CD44: variants seen among roughly 807,000 people sequenced by gnomAD.
The protein encoded by CD44 is CD44 antigen.
In CD44, 49 loss-of-function variants were observed where a neutral mutation model predicts 88.8. The observed-to-expected ratio is 0.55, with a 90% CI of 0.44 to 0.70. The LOEUF (loss-of-function observed/expected upper bound fraction) is 0.70, where lower values mean the gene tolerates loss of function less well. Among genes scored for constraint, CD44 ranks in the 30% least tolerant of loss-of-function variants. The pLI, the probability that CD44 is intolerant of heterozygous loss-of-function variation, is 0.00. For missense variants in CD44, 883 were observed against 913.8 expected, an observed-to-expected ratio of 0.97 and a Z score of 0.43; for synonymous variants, 325 against 312.3, an observed-to-expected ratio of 1.04 and a Z score of -0.43.
chr11:35,179,833 T>A (rs1305154971), intron 2 of CD44, among the ~76,000 whole-genome samples: 1 of 152,092 alleles, frequency 6.6e-6, no homozygotes, highest in Non-Finnish European at 1.5e-5. Context: ...TGCACTGAAA[T>A]AAAGAAGCAC....
chr11:35,181,999 TTA>T (rs537704686), intron 3 of CD44, among the ~76,000 whole-genome samples: 1,777 of 109,596 alleles, frequency 0.016, 62 homozygotes, highest in African/African-American at 0.061. Flanking sequence ...AAATTTATAT[TTA>T]TATATATGTA....
chr11:35,139,282 C>A lies in CD44; in HGVS notation c.-22C>A, dbSNP rs1057483054. The A allele has an allele frequency of 2.6e-6, 4 of 1,552,756 alleles. No individual in the cohort carries two copies. In the African/African-American group the frequency reaches 4.1e-5, roughly 16 times the overall value. On this transcript the variant is annotated 5_prime_UTR_variant, in exon 1 of 18. Transcript: ENST00000428726. ...GATCCTCCAGCTCCTTTCGCCCGCG[C>A]CCTCCGTTCGCTCCGGACACCATGG...
chr11:35,153,412 T>G lies in CD44; in HGVS notation c.67+14042T>G, dbSNP rs577083115. ...TTGCACACCCATATTTGGTATTTTT[T>G]TATCCTTTTTGACTTAATGAGCATT... On this transcript the variant is annotated intron_variant, in intron 1 of 17. Transcript: ENST00000428726. Among the ~76,000 whole-genome samples the G allele has an allele frequency of 5.8e-4, 89 of 152,314 alleles. 2 individuals are homozygous for G. The highest frequency in any genetic ancestry group is 6.8e-3 in the Middle Eastern group (2 of 294).
intron 1 of CD44, among the ~76,000 whole-genome samples, chr11:35,148,653 G>A (rs965577970): frequency 6.6e-6 from 1 of 152,140 alleles, no homozygotes; most frequent in African/African-American, 2.4e-5. Context: ...TCTTTTGCCA[G>A]TGAGCATAAA....
chr11:35,158,359 T>C (rs1157852982), intron 1 of CD44, among the ~76,000 whole-genome samples: 1 of 152,192 alleles, frequency 6.6e-6, no homozygotes, highest in Non-Finnish European at 1.5e-5. Context: ...GAAAGCCGTA[T>C]GAATTGCAGA....
chr11:35,160,296 C>T (rs938658970), intron 1 of CD44, among the ~76,000 whole-genome samples: 1 of 152,244 alleles, frequency 6.6e-6, no homozygotes, highest in Admixed American at 6.5e-5. Context: ...ATTGAAACCA[C>T]TCTTTCCCTC....
intron 11 of CD44, among the ~76,000 whole-genome samples, chr11:35,206,540 A>C (rs901811800): frequency 6.6e-6 from 1 of 152,170 alleles, no homozygotes; most frequent in Non-Finnish European, 1.5e-5. Context: ...GCCAACAATA[A>C]ACGCTAAAGA....
chr11:35,168,691 C>T (rs1021749868), intron 1 of CD44, among the ~76,000 whole-genome samples: 1 of 152,226 alleles, frequency 6.6e-6, no homozygotes, highest in Non-Finnish European at 1.5e-5. Context: ...CTGGGTGGCT[C>T]AAGTTAGAAA....
chr11:35,215,523 A>C (rs1326593584), intron 15 of CD44, among the ~76,000 whole-genome samples: 1 of 152,204 alleles, frequency 6.6e-6, no homozygotes, highest in Non-Finnish European at 1.5e-5. Context: ...TGCCAGCAGC[A>C]TCTTTCTAAA....
intron 1 of CD44, among the ~76,000 whole-genome samples, chr11:35,164,371 T>C (rs554153520): frequency 6.6e-6 from 1 of 152,356 alleles, no homozygotes; most frequent in South Asian, 2.1e-4. Flanking sequence ...CTTCTCAAGG[T>C]ATAGCATCTA....
Position 35,211,351 on chromosome 11 carries a change from G to A in CD44, c.1712G>A (p.Arg571Lys), listed in dbSNP as rs971308543. The A allele has an allele frequency of 5.6e-6, 9 of 1,613,966 alleles. No individual in the cohort carries two copies. Among genetic ancestry groups the A allele is most frequent in the Non-Finnish European group, 5.9e-6 (7 of 1,179,878 alleles). The change falls in exon 14 of 18, where the codon AGG (arginine) becomes AAG (lysine). Residue 571 changes from arginine to lysine, a missense_variant. Arg to Lys is a conservative substitution (Grantham distance 26). Coordinates refer to ENST00000428726, the MANE Select transcript of CD44 (RefSeq NM_000610.4). ...TSHYPHTKES[R>K]TFIPVTSAKT... is the part of the protein sequence containing the mutation. The stretch of plus-strand genomic sequence containing the variant: ...CATTACCCACACACGAAGGAAAGCA[G>A]GACCTTCATCCCAGTGACCTCAGCT...
rs150045845 is a variant in CD44, at chr11:35,143,558, A to G, written c.67+4188A>G. On this transcript the variant is annotated intron_variant, in intron 1 of 17. Transcript: ENST00000428726. ...GCATTATCTAACATCCTCCCATGTT[A>G]GACTCCAATGCTTATGCTCCTTCAA... Among the ~76,000 whole-genome samples, 1,148 of 152,202 alleles carry G rather than the reference A, an allele frequency of 7.5e-3. 4 individuals are homozygous for G. The highest frequency in any genetic ancestry group is 0.012 in the Non-Finnish European group (826 of 68,020).
chr11:35,166,640 C>T (rs1481269071), intron 1 of CD44, among the ~76,000 whole-genome samples: 2 of 152,172 alleles, frequency 1.3e-5, no homozygotes, highest in African/African-American at 2.4e-5. Context: ...GCTCCAGGCT[C>T]CACGGAAAAA....
At chr11:35,223,301 C>T (rs913521977) in intron 17 of CD44, 5 of 984,796 alleles carry the variant, frequency 5.1e-6, no homozygotes, top group Non-Finnish European at 6.0e-6. Flanking sequence ...TACTTTTGCT[C>T]AATTAAATAT....
chr11:35,171,163 G>A (rs556318744), intron 1 of CD44, among the ~76,000 whole-genome samples: 84 of 152,284 alleles, frequency 5.5e-4, no homozygotes, highest in Non-Finnish European at 8.8e-4. Context: ...TTGGGTTTGC[G>A]TTAGTATCAA....
At chr11:35,206,669 T>TGGGG (rs57972216) in intron 11 of CD44, among the ~76,000 whole-genome samples, 29 of 145,984 alleles carry the variant, frequency 2.0e-4, no homozygotes, top group Non-Finnish European at 2.9e-4. Flanking sequence ...TGGGGGTTGG[T>TGGGG]GGGGGGGGCA....
chr11:35,154,009 A>G (rs925185454), intron 1 of CD44, among the ~76,000 whole-genome samples: 6 of 152,228 alleles, frequency 3.9e-5, no homozygotes, highest in Non-Finnish European at 8.8e-5. Flanking sequence ...TGGGAAGAAA[A>G]TCATGAGAAC....
chr11:35,177,626 G>A (rs1944598776), intron 2 of CD44, among the ~76,000 whole-genome samples: 1 of 152,184 alleles, frequency 6.6e-6, no homozygotes, highest in Admixed American at 6.5e-5. Flanking sequence ...GAAAAGTCAA[G>A]CTGCAGAACT....
At chr11:35,171,274 G>A (rs1366049576) in intron 1 of CD44, among the ~76,000 whole-genome samples, 8 of 152,162 alleles carry the variant, frequency 5.3e-5, no homozygotes. Context: ...TAGAGTAGAA[G>A]GATTGTGAAC....
Sources: gnomAD v4.1 joint callset for allele counts (sites outside exome capture counted in the v4.1 genomes callset) on GRCh38, gnomAD v4.1.1 for gene constraint, MANE v1.5 for transcripts, NCBI Gene and HGNC (gene_info 2026-07-23, HGNC 2026-07-21) for gene names.